Variants in TPO observed in about 807,000 individuals in gnomAD.
TPO encodes thyroid microsomal antigen.
TPO carries 78 observed loss-of-function variants against 96.9 expected under a neutral mutation model. The observed-to-expected ratio is 0.81, with a 90% CI of 0.67 to 0.97. The LOEUF (loss-of-function observed/expected upper bound fraction) is 0.97, where lower values mean the gene tolerates loss of function less well. TPO is among the 50% of genes least tolerant of loss of function. The probability of loss-of-function intolerance (pLI) is 0.00; values close to 1 mark genes in which losing one functional copy is unlikely to be tolerated. For synonymous variants in TPO, 547 were observed against 538.0 expected (o/e 1.02, Z -0.23); for missense variants, 1,252 against 1,274.8 (o/e 0.98, Z 0.27).
intron 14 of TPO, among the ~76,000 whole-genome samples, chr2:1,507,917 C>T (rs952260012): frequency 1.3e-5 from 2 of 152,150 alleles, no homozygotes; most frequent in African/African-American, 4.8e-5. Flanking sequence ...ACTTCCAACA[C>T]TATGTTGAAT....
intron 13 of TPO, among the ~76,000 whole-genome samples, chr2:1,501,349 G>C (rs1672853583): frequency 6.6e-6 from 1 of 152,164 alleles, no homozygotes; most frequent in Non-Finnish European, 1.5e-5. Context: ...CTGGTATCTG[G>C]GGACACTGCG....
At chr2:1,471,512 G>A (rs1382305529) in intron 7 of TPO, among the ~76,000 whole-genome samples, 2 of 150,900 alleles carry the variant, frequency 1.3e-5, no homozygotes, top group Admixed American at 6.6e-5. Flanking sequence ...ATTCAAATAA[G>A]AATTTCTTAC....
chr2:1,470,833 C>T (rs1294240117), intron 7 of TPO, among the ~76,000 whole-genome samples: 1 of 152,162 alleles, frequency 6.6e-6, no homozygotes, highest in Non-Finnish European at 1.5e-5. Flanking sequence ...TGGGTTCCAG[C>T]TTTACTCAAT....
intron 2 of TPO, among the ~76,000 whole-genome samples, chr2:1,420,246 G>T (rs1663370800): frequency 6.6e-6 from 1 of 152,194 alleles, no homozygotes; most frequent in South Asian, 2.1e-4. Context: ...AACAAGGAAT[G>T]ATCTCTCTAG....
rs771109087 is a variant in TPO at position 1,414,480 on chromosome 2, G to A, written c.72G>A (p.Ser24=). The part of the protein sequence containing the change: ...ACTEAFFPFI[S]RGKELLWGKP... ...CAGAAGCCTTCTTCCCCTTCATCTC[G>A]AGAGGGAAAGAACTCCTTTGGGGTA... Residue 24 remains serine (S), a synonymous_variant, in exon 2 of 17, where the codon TCG becomes TCA. Coordinates refer to ENST00000329066, the MANE Select transcript of TPO (RefSeq NM_001206744.2). The A allele has an allele frequency of 1.3e-5, 21 of 1,613,858 alleles. No homozygotes were observed. Among genetic ancestry groups the A allele is most frequent in the East Asian group, 2.2e-5 (1 of 44,886 alleles).
At chr2:1,392,299 A>T (rs1214476155) in intron 1 of TPO, among the ~76,000 whole-genome samples, 1 of 152,184 alleles carries the variant, frequency 6.6e-6, no homozygotes, top group East Asian at 1.9e-4. Flanking sequence ...TACGTGATGG[A>T]TTATGTTCAT....
At chr2:1,478,643 G>T (rs974204021) in intron 8 of TPO, among the ~76,000 whole-genome samples, 21 of 152,362 alleles carry the variant, frequency 1.4e-4, no homozygotes, top group African/African-American at 4.8e-4. Context: ...TGGAACAGGG[G>T]CTGGCAGCAG....
At chr2:1,532,910 G>A (rs1165594190) in intron 15 of TPO, among the ~76,000 whole-genome samples, 1 of 95,198 alleles carries the variant, frequency 1.1e-5, no homozygotes, top group African/African-American at 5.3e-5. Context: ...ATCTCCCTAT[G>A]TGCAACCTCG....
At chr2:1,386,585 T>A in intron 1 of TPO, among the ~76,000 whole-genome samples, 1 of 152,202 alleles carries the variant, frequency 6.6e-6, no homozygotes, top group Non-Finnish European at 1.5e-5. Flanking sequence ...TCCGTCCCTT[T>A]ATTTTGAGCC....
chr2:1,422,309 C>CCTGGACAGACCTCGTGCAGACGCCGCG (rs1663671275), intron 2 of TPO, among the ~76,000 whole-genome samples: 2 of 105,776 alleles, frequency 1.9e-5, no homozygotes, highest in Non-Finnish European at 3.9e-5. Context: ...AGGCGCCTCT[C>CCTGGACAGACCTCGTGCAGACGCCGCG]CTGGACAGAC....
At chr2:1,445,896 G>C (rs1254689775) in intron 5 of TPO, among the ~76,000 whole-genome samples, 1 of 145,442 alleles carries the variant, frequency 6.9e-6, no homozygotes, top group East Asian at 2.1e-4. Flanking sequence ...GGAAGGGAAT[G>C]GGGCAGGCTC....
intron 4 of TPO, among the ~76,000 whole-genome samples, chr2:1,435,353 C>T (rs959489745): frequency 1.3e-5 from 2 of 152,230 alleles, no homozygotes; most frequent in Admixed American, 1.3e-4. Context: ...TAACTGAATG[C>T]ACACTGCAGT....
At chr2:1,485,728 C>T (rs886200753) in intron 9 of TPO, among the ~76,000 whole-genome samples, 1 of 152,046 alleles carries the variant, frequency 6.6e-6, no homozygotes, top group Admixed American at 6.5e-5. Flanking sequence ...TGTTCATATC[C>T]TTCGCCCACT....
intron 1 of TPO, among the ~76,000 whole-genome samples, chr2:1,378,901 C>T (rs1330203635): frequency 1.3e-5 from 2 of 152,196 alleles, no homozygotes; most frequent in Admixed American, 6.5e-5. Context: ...AGTTGTTCTG[C>T]TCCTCTCAAA....
At chr2:1,467,447 A>G (rs1669007408) in intron 7 of TPO, among the ~76,000 whole-genome samples, 1 of 152,122 alleles carries the variant, frequency 6.6e-6, no homozygotes, top group Non-Finnish European at 1.5e-5. Context: ...TTTTTAACCC[A>G]GTGTCATTCA....
intron 8 of TPO, chr2:1,478,173 A>G (rs1037190622): frequency 1.0e-6 from 1 of 985,320 alleles, no homozygotes; most frequent in Non-Finnish European, 1.2e-6. Flanking sequence ...TGACTTTCTT[A>G]AGTATCACAT....
At chr2:1,392,197 A>AG (rs1488672281) in intron 1 of TPO, among the ~76,000 whole-genome samples, 9 of 152,270 alleles carry the variant, frequency 5.9e-5, no homozygotes, top group African/African-American at 2.2e-4. Flanking sequence ...CAGTTTATTG[A>AG]GAGTTTTTAG....
chr2:1,471,050 G>A (rs956562450), intron 7 of TPO, among the ~76,000 whole-genome samples: 1 of 152,220 alleles, frequency 6.6e-6, no homozygotes, highest in Non-Finnish European at 1.5e-5. Context: ...GTGCTACAGT[G>A]CTCTTTTCCG....
At chr2:1,503,095 C>T (rs1673037403) in intron 13 of TPO, among the ~76,000 whole-genome samples, 1 of 152,234 alleles carries the variant, frequency 6.6e-6, no homozygotes, top group South Asian at 2.1e-4. Flanking sequence ...GGCTCCTCCA[C>T]TCAGCGGTGA....
Sources: gnomAD v4.1 joint callset for allele counts (sites outside exome capture counted in the v4.1 genomes callset) on GRCh38, gnomAD v4.1.1 for gene constraint, MANE v1.5 for transcripts, NCBI Gene and HGNC (gene_info 2026-07-23, HGNC 2026-07-21) for gene names.